GAS2: variants seen among roughly 807,000 people sequenced by gnomAD.
GAS2 encodes growth arrest specific 2, also known as growth arrest-specific protein 2.
Under a neutral mutation model 37.5 loss-of-function variants are expected in GAS2, and 20 were observed. The observed-to-expected ratio is 0.53, with a 90% CI of 0.37 to 0.77. The LOEUF (loss-of-function observed/expected upper bound fraction) is 0.77, where lower values mean the gene tolerates loss of function less well. GAS2 is among the 30% of genes least tolerant of loss of function. The pLI is 0.00. For missense variants in GAS2, 336 were observed against 373.4 expected (o/e 0.90, Z 0.82); for synonymous variants, 144 against 132.2 (o/e 1.09, Z -0.61).
intron 1 of GAS2, among the ~76,000 whole-genome samples, chr11:22,660,542 G>A (rs1848904156): frequency 6.6e-6 from 1 of 152,194 alleles, no homozygotes; most frequent in Non-Finnish European, 1.5e-5. Flanking sequence ...AAAACTGATA[G>A]TTGAAAGGTA....
intron 1 of GAS2, among the ~76,000 whole-genome samples, chr11:22,673,095 A>G (rs1392572406): frequency 6.6e-6 from 1 of 152,134 alleles, no homozygotes; most frequent in Non-Finnish European, 1.5e-5. Flanking sequence ...TAATTTAATT[A>G]GAAATGAAAT....
At chr11:22,697,441 G>C (rs987528173) in intron 3 of GAS2, among the ~76,000 whole-genome samples, 24 of 152,032 alleles carry the variant, frequency 1.6e-4, no homozygotes, top group East Asian at 9.7e-4. Flanking sequence ...TTTTTTGGTT[G>C]CATATGAACT....
intron 3 of GAS2, among the ~76,000 whole-genome samples, chr11:22,711,999 A>T (rs1217349362): frequency 3.3e-5 from 5 of 152,152 alleles, no homozygotes; most frequent in Admixed American, 3.3e-4. Flanking sequence ...CTAAGCACTC[A>T]TCTGGCCAGT....
chr11:22,719,392 C>T (rs145711555), intron 3 of GAS2, among the ~76,000 whole-genome samples: 1 of 152,072 alleles, frequency 6.6e-6, no homozygotes, highest in Non-Finnish European at 1.5e-5. Context: ...TTAGATTTCA[C>T]CTATTAGAGA....
chr11:22,793,299 T>G (rs1856263603), intron 7 of GAS2, among the ~76,000 whole-genome samples: 1 of 152,038 alleles, frequency 6.6e-6, no homozygotes, highest in Non-Finnish European at 1.5e-5. Flanking sequence ...AATTAAAAAT[T>G]AAAAAAATTT....
At chr11:22,735,316 G>A (rs1852696479) in intron 4 of GAS2, among the ~76,000 whole-genome samples, 1 of 143,876 alleles carries the variant, frequency 7.0e-6, no homozygotes, top group East Asian at 2.1e-4. Context: ...TATTACAGAT[G>A]TGCTTTAAAA....
intron 5 of GAS2, among the ~76,000 whole-genome samples, chr11:22,746,583 A>T (rs951669158): frequency 3.5e-4 from 54 of 152,312 alleles, no homozygotes; most frequent in African/African-American, 1.2e-3. Context: ...CATTATCTTA[A>T]GCAAATTAAC....
intron 3 of GAS2, among the ~76,000 whole-genome samples, chr11:22,690,876 C>G (rs1408053714): frequency 1.3e-5 from 2 of 152,114 alleles, no homozygotes; most frequent in African/African-American, 4.8e-5. Flanking sequence ...CTCTCTTTCC[C>G]CCACCCCCAC....
chr11:22,704,183 C>G (rs66516652), intron 3 of GAS2, among the ~76,000 whole-genome samples: 6,334 of 152,098 alleles, frequency 0.042, 226 homozygotes, highest in East Asian at 0.21. Flanking sequence ...TCTTCTAGAT[C>G]AGGATCACTT....
At chr11:22,664,371 G>C (rs941000552), upstream of GAS2, among the ~76,000 whole-genome samples, 1 of 152,038 alleles carries the variant, frequency 6.6e-6, no homozygotes, top group Non-Finnish European at 1.5e-5. Context: ...ACTCAAAAAA[G>C]TATTTATTAG....
At chr11:22,706,230 A>T (rs535585587) in intron 3 of GAS2, among the ~76,000 whole-genome samples, 1 of 152,296 alleles carries the variant, frequency 6.6e-6, no homozygotes, top group South Asian at 2.1e-4. Context: ...GAAGGTGGAA[A>T]TAACCACCCA....
intron 5 of GAS2, among the ~76,000 whole-genome samples, chr11:22,745,086 T>C (rs1265302313): frequency 4.6e-5 from 3 of 65,682 alleles, no homozygotes; most frequent in Admixed American, 1.8e-4. Flanking sequence ...GTTATGGAAG[T>C]AGAAAAAAGT....
intron 7 of GAS2, among the ~76,000 whole-genome samples, 159 bp downstream of exon 7, chr11:22,756,112 C>T (rs1227248231): frequency 6.6e-6 from 1 of 152,004 alleles, no homozygotes; most frequent in Admixed American, 6.6e-5. Flanking sequence ...TAATGTACTA[C>T]TGAAGGCTAA....
At chr11:22,688,209 A>G (rs1207650053) in intron 3 of GAS2, 2 of 152,220 alleles carry the variant, frequency 1.3e-5, no homozygotes, top group Non-Finnish European at 2.9e-5. Flanking sequence ...TAATAATTAC[A>G]TATGTATAGC....
intron 7 of GAS2, among the ~76,000 whole-genome samples, chr11:22,795,751 T>A (rs551585995): frequency 6.6e-6 from 1 of 152,244 alleles, no homozygotes; most frequent in South Asian, 2.1e-4. Flanking sequence ...ATGCAGGGTT[T>A]TGAAGAGTTA....
intron 7 of GAS2, among the ~76,000 whole-genome samples, chr11:22,765,274 T>C (rs895816614): frequency 6.6e-6 from 1 of 152,180 alleles, no homozygotes; most frequent in African/African-American, 2.4e-5. Context: ...CAGAAATATA[T>C]GTGTGTATAG....
intron 7 of GAS2, among the ~76,000 whole-genome samples, chr11:22,797,738 G>A (rs1053920161): frequency 7.9e-5 from 12 of 152,064 alleles, no homozygotes; most frequent in Non-Finnish European, 1.3e-4. Context: ...TTTCATTTTT[G>A]AATGTGAGCT....
intron 2 of GAS2, among the ~76,000 whole-genome samples, chr11:22,680,309 A>G (rs945686175): frequency 6.6e-6 from 1 of 152,112 alleles, no homozygotes; most frequent in African/African-American, 2.4e-5. Context: ...GTGCAGCAGA[A>G]CCAGCTTGAT....
rs1421001628 is a variant in GAS2, at chr11:22,685,694, A to C, written c.172A>C (p.Met58Leu). Reference sequence around the variant, plus strand: ...GAAGGAGATTACAGCAGAAACTTTTATGGAGAAGTTGGACAATGGTGCCTT... The same window carrying C: ...GAAGGAGATTACAGCAGAAACTTTTCTGGAGAAGTTGGACAATGGTGCCTT... ...LGKEITAETF[M>L]EKLDNGALLC... Residue 58 changes from methionine (M) to leucine (L), a missense_variant, in exon 3 of 8, where the codon ATG becomes CTG. Met to Leu is a conservative substitution (Grantham distance 15, BLOSUM62 2). Coordinates refer to ENST00000454584, the MANE Select transcript of GAS2 (RefSeq NM_001143830.3). 1.2e-6 allele frequency: 2 copies of C among 1,613,586 alleles called. No homozygotes were observed. The highest frequency in any genetic ancestry group is 3.3e-5 in the Admixed American group (2 of 59,950).
Sources: allele counts gnomAD v4.1 joint callset (sites outside exome capture counted in the v4.1 genomes callset), GRCh38; gene constraint gnomAD v4.1.1; transcripts MANE v1.5; gene names NCBI Gene and HGNC (gene_info 2026-07-23, HGNC 2026-07-21).